The following UBA1 variants were observed in gnomAD, a reference collection of about 807,000 sequenced individuals.
The protein encoded by UBA1 is ubiquitin-like modifier-activating enzyme 1.
Under a neutral mutation model 84.7 loss-of-function variants are expected in UBA1, and 4 were observed. The ratio of observed to expected loss-of-function variants is 0.05; its 90% CI spans 0.02 to 0.11. The LOEUF is 0.11. UBA1 is among the 10% of genes least tolerant of loss of function. The probability of loss-of-function intolerance (pLI) is 1.00; values close to 1 mark genes in which losing one functional copy is unlikely to be tolerated. For synonymous variants in UBA1, 364 were observed against 362.6 expected (o/e 1.00, Z -0.04); for missense variants, 513 against 902.8 (o/e 0.57, Z 5.53).
chrX:47,199,648 G>A (rs1322093402), intron 5 of UBA1, 34 bp downstream of exon 5: 11 of 1,204,106 alleles, frequency 9.1e-6, no homozygotes, highest in Non-Finnish European at 1.2e-5. Context: ...CTTCTGCCCA[G>A]TTTTCTCAGA....
chrX:47,203,247 A>C (rs782696288), intron 13 of UBA1, 33 bp downstream of exon 13: 1 of 1,194,956 alleles, frequency 8.4e-7, no homozygotes, highest in African/African-American at 1.7e-5. Flanking sequence ...TGCTCCCCTC[A>C]TCTTGGCCTC....
rs782148145 is a variant in UBA1, at chrX:47,202,590, C to G, written c.1057-48C>G. 4.1e-6 allele frequency: 5 copies of G among 1,207,799 alleles called. No homozygotes were observed. In the African/African-American group the frequency reaches 7.0e-5, roughly 17 times the overall value. On this transcript the variant is annotated intron_variant, in intron 10 of 25. Coordinates refer to ENST00000335972, the MANE Select transcript of UBA1 (RefSeq NM_003334.4). ...TCTCTGCGTGTCCACACTCCCTGCC[C>G]TCACTGTGGCCTGACATATCCTCTC...
chrX:47,210,210 A>C (rs1407267646), intron 18 of UBA1, 87 bp downstream of exon 18: 7 of 1,054,443 alleles, frequency 6.6e-6, no homozygotes, highest in Non-Finnish European at 9.2e-6. Context: ...TGTGGAGTCC[A>C]GCTGTGGCAG....
rs1556793119 is a variant in UBA1, at chrX:47,210,826, T to C, written c.2200-16T>C. On this transcript the variant is annotated splice_polypyrimidine_tract_variant and intron_variant, in intron 18 of 25. Transcript: ENST00000335972. ...CACTCTCAGGTCCTGTTCTCAAAAA[T>C]CTCTCCATCCCTTAGCTCACAAGCT... The C allele has an allele frequency of 8.3e-7, 1 of 1,208,588 alleles. No individual in the cohort carries two copies. The highest frequency in any genetic ancestry group is 1.8e-5 in the South Asian group (1 of 56,491).
intron 16 of UBA1, chrX:47,206,707 C>T (rs1314738065): frequency 1.5e-5 from 6 of 397,368 alleles, no homozygotes; most frequent in African/African-American, 1.0e-4. Context: ...TACCATTCCT[C>T]ACCTAAATTT....
In UBA1 at chrX:47,199,140, G is replaced by A. The variant is rs782775835; in HGVS notation, c.176+34G>A. 6.6e-6 allele frequency: 8 copies of A among 1,212,340 alleles called. No homozygotes were observed. The East Asian group carries it at 2.4e-4, about 36-fold the overall frequency. On this transcript the variant is annotated intron_variant, in intron 3 of 25. Transcript: ENST00000335972. ...GGCCAAGGCCGGGCTGAGGGGTGTG[G>A]AATGGGACATTGAGAGGATAAGGTT...
In UBA1 at chrX:47,211,190, C is replaced by T; in HGVS notation, c.2429C>T (p.Ser810Phe). Residue 810 changes from serine to phenylalanine, a missense_variant, in exon 20 of 26, where the codon TCT becomes TTT. Around this residue, in one of 6 missense-constraint regions of UBA1, gnomAD observed 151 missense variants for 260.1 expected, o/e 0.58. Transcript: ENST00000335972. Reference protein sequence around the residue: ...TPKSGVKIHVSDQELQSANAS... With the variant: ...TPKSGVKIHVFDQELQSANAS... ...AAGTCTGGCGTCAAGATCCATGTTT[C>T]TGACCAGGAGCTGCAGAGCGCCAAT... The T allele has an allele frequency of 8.3e-7, 1 of 1,211,244 alleles. No individual in the cohort carries two copies. Among genetic ancestry groups the T allele is most frequent in the Non-Finnish European group, 1.1e-6 (1 of 895,594 alleles).
intron 1 of UBA1, chrX:47,197,440 G>A: frequency 1.3e-6 from 1 of 754,832 alleles, no homozygotes; most frequent in Non-Finnish European, 1.6e-6. Flanking sequence ...CAAGTGCCAA[G>A]ATGGAATCTT....
At chrX:47,194,740 A>G (rs1373074340) in intron 1 of UBA1, among the ~76,000 whole-genome samples, 1 of 111,452 alleles carries the variant, frequency 9.0e-6, no homozygotes, top group Non-Finnish European at 1.9e-5. Context: ...GACCCCTCTT[A>G]CCATCTGCCT....
Position 47,212,527 on chromosome X carries a change from T to A in UBA1, c.2553+15T>A. 8.5e-7 allele frequency: 1 copy of A among 1,180,461 alleles called. No homozygotes were observed. The highest frequency in any genetic ancestry group is 2.2e-5 in the Admixed American group (1 of 45,825). Reference sequence around the variant, plus strand: ...ACTTTGAGAAGGTATGGGGTGGGGCTCAGGACAGGGAAGGAGGATGGGCAA... The same window carrying A: ...ACTTTGAGAAGGTATGGGGTGGGGCACAGGACAGGGAAGGAGGATGGGCAA... On this transcript the variant is annotated intron_variant, in intron 21 of 25. Coordinates refer to ENST00000335972, the MANE Select transcript of UBA1 (RefSeq NM_003334.4).
intron 6 of UBA1, 100 bp from the exon 7 acceptor site, chrX:47,201,176 G>A (rs1273613044): frequency 2.3e-6 from 2 of 851,301 alleles, no homozygotes; most frequent in Non-Finnish European, 3.4e-6. Context: ...AGCAGTGATA[G>A]GCTGAGTTTG....
At chrX:47,192,107 AC>A (rs1331651925), upstream of UBA1, among the ~76,000 whole-genome samples, 3 of 111,783 alleles carry the variant, frequency 2.7e-5, no homozygotes, top group African/African-American at 9.8e-5. Flanking sequence ...GGTCATTATT[AC>A]CCCCACTTTA....
rs868914041 is a variant in UBA1 at position 47,202,967 on chromosome X, A to G, written c.1258A>G (p.Ile420Val). The G allele has an allele frequency of 8.3e-7, 1 of 1,211,484 alleles. No homozygotes were observed. The highest frequency in any genetic ancestry group is 1.7e-5 in the African/African-American group (1 of 57,688). Reference sequence around the variant, plus strand: ...GGCCTGCTCCGGGAAGTTCATGCCCATCATGCAGTGGCTATACTTTGATGC... The same window carrying G: ...GGCCTGCTCCGGGAAGTTCATGCCCGTCATGCAGTGGCTATACTTTGATGC... ...MKACSGKFMP[I>V]MQWLYFDALE... The change falls in exon 12 of 26, where the codon ATC (isoleucine) becomes GTC (valine). Residue 420 changes from isoleucine to valine, a missense_variant. Transcript: ENST00000335972.
At chrX:47,209,240 C>A in intron 16 of UBA1, 1 of 396,918 alleles carries the variant, frequency 2.5e-6, no homozygotes, top group Non-Finnish European at 4.4e-6. Context: ...CTGCAACCTC[C>A]GCCTCCCGGG....
chrX:47,194,659 G>A (rs1936136728), intron 1 of UBA1, among the ~76,000 whole-genome samples: 1 of 111,633 alleles, frequency 9.0e-6, no homozygotes, highest in African/African-American at 3.3e-5. Context: ...TTCGCCACAC[G>A]TCAGGTCTCC....
At position 47,209,697 on chromosome X, in the gene UBA1, T is replaced by C. The variant is rs369699052; in HGVS notation, c.2003+10T>C. On this transcript the variant is annotated intron_variant, in intron 17 of 25. Transcript: ENST00000335972. ...TCAACCAGTACCTCACGTGAGTAAC[T>C]CGAGTGCCCTCTCGCCCTGTCCCTG... 6.6e-6 allele frequency: 8 copies of C among 1,207,258 alleles called. No homozygotes were observed. The African/African-American group carries it at 1.2e-4, about 18-fold the overall frequency.
chrX:47,198,500 A>T, intron 1 of UBA1: 1 of 369,073 alleles, frequency 2.7e-6, no homozygotes, highest in South Asian at 3.3e-5. Context: ...CGACACAAGT[A>T]CATTCTTGTC....
At chrX:47,208,012 A>G (rs12006836) in intron 16 of UBA1, among the ~76,000 whole-genome samples, 9,218 of 112,157 alleles carry the variant, frequency 0.082, 935 homozygotes, top group African/African-American at 0.28. Flanking sequence ...AGAGGTAAAG[A>G]TGTTATCCTG....
At chrX:47,208,324 C>CGTGTGTGTGT (rs71925003) in intron 16 of UBA1, among the ~76,000 whole-genome samples, 1 of 107,237 alleles carries the variant, frequency 9.3e-6, no homozygotes, top group African/African-American at 3.4e-5. Context: ...AGTGTGTGTA[C>CGTGTGTGTGT]GTGTGTGTGT....
Sources: gnomAD v4.1 joint callset for allele counts (sites outside exome capture counted in the v4.1 genomes callset) on GRCh38, gnomAD v4.1.1 for gene constraint, gnomAD v4.1.1 regional missense constraint, MANE v1.5 for transcripts, NCBI Gene and HGNC (gene_info 2026-07-23, HGNC 2026-07-21) for gene names.